Variants in TRAF3IP2 observed in about 807,000 individuals in gnomAD.
TRAF3IP2 encodes E3 ubiquitin ligase TRAF3IP2.
TRAF3IP2 carries 35 observed loss-of-function variants against 57.9 expected under a neutral mutation model. The observed-to-expected ratio is 0.60, with a 90% CI of 0.46 to 0.80. The LOEUF is 0.80. Ranked by LOEUF, TRAF3IP2 falls within the 30% of genes least tolerant of loss-of-function variation. The pLI is 0.00. For missense variants in TRAF3IP2, 556 were observed against 706.4 expected (o/e 0.79, Z 2.41); for synonymous variants, 251 against 268.9 (o/e 0.93, Z 0.65).
intron 2 of TRAF3IP2, among the ~76,000 whole-genome samples, chr6:111,590,855 C>T (rs932885894): frequency 2.0e-5 from 3 of 152,132 alleles, no homozygotes; most frequent in African/African-American, 7.2e-5. Flanking sequence ...TGACTAAAAG[C>T]CCTTTCTCTG....
chr6:111,572,344 C>T (rs1795856619), intron 5 of TRAF3IP2, among the ~76,000 whole-genome samples: 1 of 152,162 alleles, frequency 6.6e-6, no homozygotes, highest in Admixed American at 6.5e-5. Context: ...TGGATTAGAC[C>T]AGCCCCAAAC....
Position 111,591,802 on chromosome 6 carries a change from G to A in TRAF3IP2, c.285C>T (p.Phe95=). 1 of 1,614,254 alleles carries A rather than the reference G, an allele frequency of 6.2e-7. No individual in the cohort carries two copies. Among genetic ancestry groups the A allele is most frequent in the Non-Finnish European group, 8.5e-7 (1 of 1,180,048 alleles). The change falls in exon 2 of 9, where the codon TTC becomes TTT. Residue 95 remains phenylalanine (F), a synonymous_variant. Transcript: ENST00000368761. This position sits in a 1 kb window ranked among gnomAD's most constrained non-coding sequence, Gnocchi z 4.9. The part of the protein sequence containing the change: ...TQVLEDSEDS[F]CRRHPGLGKA... ...TGCCCAGGCCTGGGTGTCTCCTGCAGAAACTGTCTTCACTGTCCTCCAGAA... is the reference window on the plus strand; with the variant it reads ...TGCCCAGGCCTGGGTGTCTCCTGCAAAAACTGTCTTCACTGTCCTCCAGAA...
chr6:111,555,742 G>A lies in TRAF3IP2; in HGVS notation c.*3663C>T, dbSNP rs1174049574. ...AAAATATCTAAAGATGAATGCCTGA[G>A]GACCAGCATAACATCTAAATCAACC... On this transcript the variant is annotated 3_prime_UTR_variant, in exon 9 of 9. Transcript: ENST00000368761. Among the ~76,000 whole-genome samples the A allele has an allele frequency of 6.6e-6, 1 of 152,140 alleles. No individual in the cohort carries two copies. Among genetic ancestry groups the A allele is most frequent in the African/African-American group, 2.4e-5 (1 of 41,430 alleles).
At chr6:111,593,628 G>A (rs1796586764) in intron 1 of TRAF3IP2, among the ~76,000 whole-genome samples, 1 of 152,078 alleles carries the variant, frequency 6.6e-6, no homozygotes, top group Non-Finnish European at 1.5e-5. Context: ...TGACGCAACA[G>A]AAAACTCAAC....
At chr6:111,603,890 G>T (rs1407506801) in intron 1 of TRAF3IP2, among the ~76,000 whole-genome samples, 1 of 152,244 alleles carries the variant, frequency 6.6e-6, no homozygotes, top group East Asian at 1.9e-4. Context: ...CTCCATCATG[G>T]AGTGACTGGT....
intron 1 of TRAF3IP2, chr6:111,601,578 A>T (rs1200248194): frequency 5.4e-6 from 1 of 185,552 alleles, no homozygotes; most frequent in Non-Finnish European, 1.1e-5. Flanking sequence ...CTGAGTAATT[A>T]ATAAACCATA....
chr6:111,589,495 C>G (rs1452990896), intron 2 of TRAF3IP2, among the ~76,000 whole-genome samples: 1 of 152,198 alleles, frequency 6.6e-6, no homozygotes, highest in African/African-American at 2.4e-5. Context: ...ACATTCAGTT[C>G]TCAGTGATTC....
chr6:111,559,657 T>G, intron 8 of TRAF3IP2, 106 bp from the exon 9 acceptor site: 3 of 1,323,072 alleles, frequency 2.3e-6, no homozygotes, highest in Non-Finnish European at 3.1e-6. Flanking sequence ...CATGGGCGTT[T>G]CCTACCAAAC....
chr6:111,587,559 GC>G (rs1283223286), intron 2 of TRAF3IP2, among the ~76,000 whole-genome samples: 22 of 152,050 alleles, frequency 1.4e-4, no homozygotes, highest in Admixed American at 1.4e-3. Flanking sequence ...CCGGCCGTTT[GC>G]TATTTTTAAA....
chr6:111,585,136 C>A (rs1796286237), intron 2 of TRAF3IP2, among the ~76,000 whole-genome samples: 4 of 152,224 alleles, frequency 2.6e-5, no homozygotes, highest in Non-Finnish European at 5.9e-5. Flanking sequence ...TCTGTTCCAA[C>A]AACCAGTTAC....
chr6:111,597,717 T>C (rs1208658112), intron 1 of TRAF3IP2: 4 of 389,530 alleles, frequency 1.0e-5, no homozygotes, highest in South Asian at 3.9e-5. Context: ...CGAGTGGGCA[T>C]GAACTGGGGA....
chr6:111,562,878 A>G, intron 8 of TRAF3IP2, 87 bp downstream of exon 8: 1 of 1,019,734 alleles, frequency 9.8e-7, no homozygotes, highest in Non-Finnish European at 1.4e-6. Flanking sequence ...AGAAAAAAAG[A>G]ATGGACAAGG....
chr6:111,605,052 T>C (rs1195477868), intron 1 of TRAF3IP2, among the ~76,000 whole-genome samples: 1 of 151,342 alleles, frequency 6.6e-6, no homozygotes, highest in East Asian at 1.9e-4. Flanking sequence ...TTCTTGTCCT[T>C]TTAAAAAATT....
At position 111,605,828 on chromosome 6, in the gene TRAF3IP2, G is replaced by GCGGCTTCTCGT. The variant is rs1335897304; in HGVS notation, c.-72_-62dup. ...GGGCCCGGAGGGTAGTCGGCTCTCG[G>GCGGCTTCTCGT]CGGCTTCTCGTCTCCCTCCACCTTC... is the stretch of plus-strand genomic sequence containing the variant. On this transcript the variant is annotated 5_prime_UTR_variant, in exon 1 of 9. Coordinates refer to ENST00000368761, the MANE Select transcript of TRAF3IP2 (RefSeq NM_147686.4). The GCGGCTTCTCGT allele has an allele frequency of 1.1e-4, 17 of 152,142 alleles. No homozygotes were observed. The highest frequency in any genetic ancestry group is 3.9e-4 in the African/African-American group (16 of 41,420). 9.4% of individuals were successfully genotyped at this position (152,142 alleles called of 1,614,324 possible). A position where few individuals can be genotyped will look rare whatever the true frequency, so the allele number is the denominator to read the frequency against.
chr6:111,605,665 C>G (rs1385875217), intron 1 of TRAF3IP2, 111 bp downstream of exon 1: 1 of 152,298 alleles, frequency 6.6e-6, no homozygotes, highest in Non-Finnish European at 1.5e-5. Flanking sequence ...GAGACGAACA[C>G]AGAGGAAAGT....
At chr6:111,565,686 G>A (rs1020437753) in intron 7 of TRAF3IP2, among the ~76,000 whole-genome samples, 3 of 152,150 alleles carry the variant, frequency 2.0e-5, no homozygotes, top group Non-Finnish European at 4.4e-5. Flanking sequence ...CAGTTCCAAC[G>A]CTGGGTGATT....
chr6:111,596,655 C>T (rs1249544581), intron 1 of TRAF3IP2, among the ~76,000 whole-genome samples: 3 of 152,134 alleles, frequency 2.0e-5, no homozygotes, highest in African/African-American at 4.8e-5. Flanking sequence ...AGTTTCACCA[C>T]GTTGGCCAGA....
At chr6:111,578,373 G>C (rs1176052203) in intron 3 of TRAF3IP2, among the ~76,000 whole-genome samples, 1 of 152,194 alleles carries the variant, frequency 6.6e-6, no homozygotes, top group African/African-American at 2.4e-5. Flanking sequence ...CAGCACGGTG[G>C]CTAACACCCG....
At chr6:111,590,306 G>A (rs956091962) in intron 2 of TRAF3IP2, among the ~76,000 whole-genome samples, 12 of 152,292 alleles carry the variant, frequency 7.9e-5, no homozygotes, top group East Asian at 5.8e-4. Flanking sequence ...GAGGAGACAC[G>A]TACATAATTA....
Sources: allele counts gnomAD v4.1 joint callset (sites outside exome capture counted in the v4.1 genomes callset), GRCh38; gene constraint gnomAD v4.1.1; non-coding constraint Gnocchi (gnomAD v3.1); transcripts MANE v1.5; gene names NCBI Gene and HGNC (gene_info 2026-07-23, HGNC 2026-07-21).